Variants in RDH12 observed in about 807,000 individuals in gnomAD.
RDH12 encodes the protein all-trans and 9-cis retinol dehydrogenase.
In RDH12, 21 loss-of-function variants were observed where a neutral mutation model predicts 34.0. That is an observed-to-expected ratio of 0.62 (90% CI 0.44 to 0.89). The LOEUF (loss-of-function observed/expected upper bound fraction) is 0.89. Ranked by LOEUF, RDH12 falls within the 40% of genes least tolerant of loss-of-function variation. The pLI is 0.00. For missense variants in RDH12, 394 were observed against 398.6 expected, an observed-to-expected ratio of 0.99 and a Z score of 0.10; for synonymous variants, 198 against 169.9, an observed-to-expected ratio of 1.17 and a Z score of -1.29.
chr14:67,727,125 T>C lies in RDH12; in HGVS notation c.593T>C (p.Phe198Ser), dbSNP rs1364481818. 1.2e-6 allele frequency: 2 copies of C among 1,614,110 alleles called. No individual in the cohort carries two copies. The highest frequency in any genetic ancestry group is 1.3e-5 in the African/African-American group (1 of 74,954). ...AGCGAGAAGCGCTACAGCAGGGGTT[T>C]TGCCTATTGCCACAGCAAGCTGGCC... ...LQSEKRYSRGFAYCHSKLANV... is the reference protein window; with the variant it reads ...LQSEKRYSRGSAYCHSKLANV... Residue 198 changes from phenylalanine (F) to serine (S), a missense_variant, in exon 7 of 9, where the codon TTT becomes TCT. Coordinates refer to ENST00000551171, the MANE Select transcript of RDH12 (RefSeq NM_152443.3).
Position 67,727,025 on chromosome 14 carries a change from TCTGCC to T in RDH12, c.495_499del (p.Ala166CysfsTer5). 2 of 1,613,556 alleles carry T rather than the reference TCTGCC, an allele frequency of 1.2e-6. No individual in the cohort carries two copies. Among genetic ancestry groups the T allele is most frequent in the Non-Finnish European group, 1.7e-6 (2 of 1,180,028 alleles). On this transcript the variant is annotated frameshift_variant, in exon 7 of 9. Coordinates refer to ENST00000551171, the MANE Select transcript of RDH12 (RefSeq NM_152443.3). LOFTEE classifies it high-confidence loss of function. ...CCTGCTCCTGGAGCGGCTAAAGGTG[TCTGCC>T]CCTGCACGGGTGGTTAATGTGTCCT...
chr14:67,728,897 G>C (rs1293975710), intron 7 of RDH12, among the ~76,000 whole-genome samples: 1 of 152,124 alleles, frequency 6.6e-6, no homozygotes, highest in Non-Finnish European at 1.5e-5. Context: ...CTCACTACAT[G>C]TTGTCATGTT....
chr14:67,718,759 C>A (rs1477237851), intron 1 of RDH12, among the ~76,000 whole-genome samples: 1 of 152,080 alleles, frequency 6.6e-6, no homozygotes. Context: ...TGGTCCCTGG[C>A]TTTTTTGATG....
At chr14:67,702,510 C>T (rs145009555) in intron 1 of RDH12, among the ~76,000 whole-genome samples, 43 of 151,990 alleles carry the variant, frequency 2.8e-4, no homozygotes, top group African/African-American at 9.2e-4. Flanking sequence ...AAATCCTGAC[C>T]CTGTAAAATA....
intron 1 of RDH12, among the ~76,000 whole-genome samples, chr14:67,720,260 G>C (rs1204186150): frequency 6.6e-6 from 1 of 152,070 alleles, no homozygotes; most frequent in Non-Finnish European, 1.5e-5. Context: ...TGATTTGTAA[G>C]AGTTCTTTAT....
At chr14:67,711,522 C>G (rs961225123) in intron 1 of RDH12, among the ~76,000 whole-genome samples, 5 of 152,112 alleles carry the variant, frequency 3.3e-5, no homozygotes, top group African/African-American at 4.8e-5. Context: ...AAGTGCTTTT[C>G]TTTTTCTTTA....
intron 1 of RDH12, among the ~76,000 whole-genome samples, chr14:67,707,009 A>T (rs1169218436): frequency 6.6e-6 from 1 of 152,228 alleles, no homozygotes; most frequent in East Asian, 1.9e-4. Flanking sequence ...TATAGGCCAC[A>T]TTACTCTGTA....
Position 67,727,087 on chromosome 14 carries a change from C to T in RDH12, c.555C>T (p.Phe185=), listed in dbSNP as rs376350022. 2 of 1,614,094 alleles carry T rather than the reference C, an allele frequency of 1.2e-6. No individual in the cohort carries two copies. Among genetic ancestry groups the T allele is most frequent in the African/African-American group, 2.7e-5 (2 of 74,952 alleles). ...SVAHHIGKIP[F]HDLQSEKRYS... Reference sequence around the variant, plus strand: ...CTCACCACATTGGCAAGATTCCCTTCCACGACCTCCAGAGCGAGAAGCGCT... The same window carrying T: ...CTCACCACATTGGCAAGATTCCCTTTCACGACCTCCAGAGCGAGAAGCGCT... Residue 185 remains phenylalanine, a synonymous_variant, in exon 7 of 9, where the codon TTC becomes TTT. Transcript: ENST00000551171.
In RDH12 at chr14:67,706,946, G is replaced by A. The variant is rs1283350849; in HGVS notation, c.-275+5011G>A. Among the ~76,000 whole-genome samples the A allele has an allele frequency of 2.6e-5, 4 of 152,120 alleles. No homozygotes were observed. In the South Asian group the frequency reaches 8.3e-4, roughly 32 times the overall value. On this transcript the variant is annotated intron_variant, in intron 1 of 8. Transcript: ENST00000551171. ...TCATGTCCTATGCAGAGAAATTAGG[G>A]GGAGGAAGGGATACAAACAACAATA...
intron 1 of RDH12, among the ~76,000 whole-genome samples, chr14:67,704,978 G>A (rs569737652): frequency 7.2e-5 from 11 of 152,210 alleles, no homozygotes; most frequent in Non-Finnish European, 1.5e-4. Context: ...GTTGGAAGCA[G>A]GTCTAGGTAG....
chr14:67,722,563 C>T lies in RDH12; in HGVS notation c.-80C>T, dbSNP rs1031518348. On this transcript the variant is annotated 5_prime_UTR_variant, in exon 3 of 9. Coordinates refer to ENST00000551171, the MANE Select transcript of RDH12 (RefSeq NM_152443.3). ...CAGCAGAAGCAGCCAAGAGCTGGAG[C>T]CAGACCAGGAACCTGAGCCAGAGCT... 1 of 1,213,086 alleles carries T rather than the reference C, an allele frequency of 8.2e-7. No homozygotes were observed. The highest frequency in any genetic ancestry group is 1.2e-6 in the Non-Finnish European group (1 of 814,390). 75.1% of individuals were successfully genotyped at this position (1,213,086 alleles called of 1,614,324 possible). A position where few individuals can be genotyped will look rare whatever the true frequency, so the allele number is the denominator to read the frequency against.
chr14:67,730,310 C>T (rs1401274573), intron 8 of RDH12, among the ~76,000 whole-genome samples: 1 of 152,170 alleles, frequency 6.6e-6, no homozygotes, highest in Non-Finnish European at 1.5e-5. Context: ...AGCCACTAGC[C>T]ACATGTTGCT....
At chr14:67,710,984 G>T (rs1441788405) in intron 1 of RDH12, among the ~76,000 whole-genome samples, 2 of 152,132 alleles carry the variant, frequency 1.3e-5, no homozygotes, top group Admixed American at 6.6e-5. Flanking sequence ...CAGTGAAAAA[G>T]ATTTAACTTA....
intron 1 of RDH12, among the ~76,000 whole-genome samples, chr14:67,714,143 G>A (rs2038041647): frequency 6.6e-6 from 1 of 151,962 alleles, no homozygotes; most frequent in African/African-American, 2.4e-5. Flanking sequence ...TTAACTTCTT[G>A]CTTTACTTTT....
rs140257538 is a variant in RDH12 at position 67,729,229 on chromosome 14, G to T, written c.697G>T (p.Val233Phe). 1 of 1,611,468 alleles carries T rather than the reference G, an allele frequency of 6.2e-7. No individual in the cohort carries two copies. Among genetic ancestry groups the T allele is most frequent in the Non-Finnish European group, 8.5e-7 (1 of 1,180,004 alleles). Residue 233 changes from valine (V) to phenylalanine (F), a missense_variant, in exon 8 of 9, where the codon GTC (valine) becomes TTC (phenylalanine). By Grantham distance (50) the Val-to-Phe change is conservative (BLOSUM62 -1). Transcript: ENST00000551171. ...CACCTACGCAGTGCACCCAGGCGTC[G>T]TCCGCTCTGAGCTGGTCCGGCACTC... ...VTTYAVHPGV[V>F]RSELVRHSSL...
chr14:67,713,397 CAAAAAAAAAAAAA>C (rs71129850), intron 1 of RDH12, among the ~76,000 whole-genome samples: 1 of 47,630 alleles, frequency 2.1e-5, no homozygotes, highest in Non-Finnish European at 4.1e-5. Flanking sequence ...AGTAAAACTC[CAAAAAAAAAAAAA>C]AAAAAAAAAA....
Position 67,726,881 on chromosome 14 carries a change from C to T in RDH12, c.449-100C>T, listed in dbSNP as rs1029926809. The T allele has an allele frequency of 5.6e-6, 6 of 1,073,530 alleles. No homozygotes were observed. In the African/African-American group the frequency reaches 7.8e-5, roughly 14 times the overall value. The allele number at this position is 1,073,530 out of a possible 1,614,324, so 66.5% of individuals were successfully genotyped here. A position where few individuals can be genotyped will look rare whatever the true frequency, so the allele number is the denominator to read the frequency against. ...TCATGGCATCAAAATTGGTTCACAC[C>T]CAGAAGATAGTGAGCTAACACTGAA... is the stretch of plus-strand genomic sequence containing the variant. On this transcript the variant is annotated intron_variant, in intron 6 of 8. Coordinates refer to ENST00000551171, the MANE Select transcript of RDH12 (RefSeq NM_152443.3).
At chr14:67,733,702 C>G in intron 8 of RDH12, 44 bp from the exon 9 acceptor site, 1 of 1,309,948 alleles carries the variant, frequency 7.6e-7, no homozygotes, top group African/African-American at 1.4e-5. Flanking sequence ...TTCCAGACTG[C>G]TAATTCTCAT....
intron 1 of RDH12, among the ~76,000 whole-genome samples, chr14:67,705,280 C>G (rs1001271659): frequency 5.3e-5 from 8 of 152,154 alleles, no homozygotes; most frequent in African/African-American, 1.9e-4. Context: ...TGACAACATA[C>G]AAGTTAAAAT....
Sources: allele counts gnomAD v4.1 joint callset (sites outside exome capture counted in the v4.1 genomes callset), GRCh38; gene constraint gnomAD v4.1.1; transcripts MANE v1.5; gene names NCBI Gene and HGNC (gene_info 2026-07-23, HGNC 2026-07-21).